The following GRID2 variants were observed in gnomAD, a reference collection of about 807,000 sequenced individuals.
GRID2 encodes glutamate receptor ionotropic, delta-2.
A neutral mutation model predicts 114.8 loss-of-function variants in GRID2; 33 were observed. The ratio of observed to expected loss-of-function variants is 0.29; its 90% CI spans 0.22 to 0.38. The LOEUF is 0.38. Ranked by LOEUF, GRID2 falls within the 10% of genes least tolerant of loss-of-function variation. GRID2 has a pLI of 1.00. For synonymous variants in GRID2, 505 were observed against 449.9 expected, an observed-to-expected ratio of 1.12 and a Z score of -1.55; for missense variants, 1,184 against 1,257.7, an observed-to-expected ratio of 0.94 and a Z score of 0.89.
chr4:93,594,428 C>T (rs13119637), intron 13 of GRID2, among the ~76,000 whole-genome samples: 28,892 of 151,610 alleles, frequency 0.19, 3,201 homozygotes, highest in Middle Eastern at 0.32. Flanking sequence ...TCTCCAGCTG[C>T]GTACTGGGAG....
intron 2 of GRID2, among the ~76,000 whole-genome samples, chr4:92,795,231 T>G (rs1739805822): frequency 6.6e-6 from 1 of 151,850 alleles, no homozygotes; most frequent in African/African-American, 2.4e-5. Context: ...AATTCCCATG[T>G]GCTGTAGGAG....
At chr4:93,120,847 G>A (rs888779942) in intron 4 of GRID2, among the ~76,000 whole-genome samples, 1 of 152,116 alleles carries the variant, frequency 6.6e-6, no homozygotes, top group Non-Finnish European at 1.5e-5. Flanking sequence ...CAGCTACTCA[G>A]GAGGCTGAGG....
intron 1 of GRID2, among the ~76,000 whole-genome samples, chr4:92,461,092 A>C (rs1721471611): frequency 6.6e-6 from 1 of 151,588 alleles, no homozygotes; most frequent in African/African-American, 2.4e-5. Context: ...TCATATATTT[A>C]TATAACTTTC....
rs1184003180 is a variant in GRID2, at chr4:93,638,301, C to CTTTTTTTTTTTTTTTTTTT, written c.2360+11884_2360+11885insTTTTTTTTTTTTTTTTTTT. 4.6e-3 allele frequency among the ~76,000 whole-genome samples: 355 copies of CTTTTTTTTTTTTTTTTTTT among 76,662 alleles called. 7 individuals carry two copies. Among genetic ancestry groups the CTTTTTTTTTTTTTTTTTTT allele is most frequent in the Non-Finnish European group, 7.3e-3 (268 of 36,474 alleles). 50.3% of individuals were successfully genotyped at this position (76,662 alleles called of 152,430 possible). On this transcript the variant is annotated intron_variant, in intron 14 of 15. Transcript: ENST00000282020. ...AAGAAAACATATTTAAAACTTGCATCTTTTTTTTTTTTTTTTTTAATTATA... is the reference window on the plus strand; with the variant it reads ...AAGAAAACATATTTAAAACTTGCATCTTTTTTTTTTTTTTTTTTTTTTTTTTTTTTTTTTTTTAATTATA...
intron 1 of GRID2, among the ~76,000 whole-genome samples, chr4:92,323,772 C>A (rs1050783138): frequency 1.3e-5 from 2 of 151,992 alleles, no homozygotes; most frequent in African/African-American, 4.8e-5. Flanking sequence ...ATTACATGAT[C>A]ATAGGCTCAT....
chr4:93,506,401 G>T (rs996534011), intron 12 of GRID2, among the ~76,000 whole-genome samples: 1 of 152,112 alleles, frequency 6.6e-6, no homozygotes, highest in Non-Finnish European at 1.5e-5. Context: ...ATCTTGCTGC[G>T]CACTTTTTCT....
intron 2 of GRID2, among the ~76,000 whole-genome samples, chr4:92,757,162 G>A (rs1483977013): frequency 1.3e-5 from 2 of 152,016 alleles, no homozygotes; most frequent in African/African-American, 4.8e-5. Context: ...TTATTCTTCT[G>A]TATATGGACA....
intron 1 of GRID2, among the ~76,000 whole-genome samples, chr4:92,553,392 T>C (rs551993477): frequency 1.2e-4 from 18 of 152,314 alleles, no homozygotes; most frequent in African/African-American, 4.1e-4. Flanking sequence ...GAATATACCA[T>C]GAGCAAAAGC....
intron 2 of GRID2, among the ~76,000 whole-genome samples, chr4:92,688,991 CAAG>C (rs1442732511): frequency 6.6e-6 from 1 of 152,108 alleles, no homozygotes; most frequent in African/African-American, 2.4e-5. Flanking sequence ...AGTACACAAA[CAAG>C]GAGATTTACA....
chr4:92,397,342 ATGTGTGTGTGTGTGTGTGTG>A (rs58085283), intron 1 of GRID2, among the ~76,000 whole-genome samples: 2 of 142,692 alleles, frequency 1.4e-5, no homozygotes, highest in Non-Finnish European at 3.1e-5. Context: ...GTGTGTTTGT[ATGTGTGTGTGTGTGTGTGTG>A]TGTGTGTGTG....
At chr4:92,700,266 C>T (rs1231472161) in intron 2 of GRID2, among the ~76,000 whole-genome samples, 1 of 152,142 alleles carries the variant, frequency 6.6e-6, no homozygotes, top group Admixed American at 6.5e-5. Context: ...ATTGAAGCAA[C>T]CCAATGTATG....
chr4:92,845,840 A>T (rs999137038), intron 2 of GRID2, among the ~76,000 whole-genome samples: 2 of 152,128 alleles, frequency 1.3e-5, no homozygotes, highest in African/African-American at 4.8e-5. Flanking sequence ...GTAGTAATTT[A>T]AGGAATGCAT....
intron 13 of GRID2, among the ~76,000 whole-genome samples, chr4:93,558,906 C>T (rs531805662): frequency 6.6e-6 from 1 of 152,150 alleles, no homozygotes; most frequent in African/African-American, 2.4e-5. Flanking sequence ...TCAGCTTCAT[C>T]CCTGGATTGC....
chr4:93,713,054 A>G (rs1216565058), intron 14 of GRID2, among the ~76,000 whole-genome samples: 3 of 152,052 alleles, frequency 2.0e-5, no homozygotes, highest in African/African-American at 4.8e-5. Context: ...GTTTTTTGTT[A>G]TGTTTTGTTT....
intron 2 of GRID2, among the ~76,000 whole-genome samples, chr4:92,604,735 G>A (rs1454308291): frequency 2.6e-5 from 4 of 151,944 alleles, no homozygotes; most frequent in Non-Finnish European, 5.9e-5. Context: ...AATGGAAACA[G>A]GCAGGCTTTA....
chr4:93,453,474 T>G (rs1200176645), intron 10 of GRID2, among the ~76,000 whole-genome samples: 2 of 151,916 alleles, frequency 1.3e-5, no homozygotes, highest in Non-Finnish European at 2.9e-5. Flanking sequence ...AGACCAGAAT[T>G]TAGGAATTTG....
At chr4:92,592,227 G>T (rs1298751240) in intron 2 of GRID2, among the ~76,000 whole-genome samples, 1 of 151,958 alleles carries the variant, frequency 6.6e-6, no homozygotes, top group Non-Finnish European at 1.5e-5. Flanking sequence ...AAAACGTGAG[G>T]ACTGATTTCT....
chr4:93,294,297 CA>C (rs1754058999), intron 8 of GRID2, among the ~76,000 whole-genome samples: 2 of 150,588 alleles, frequency 1.3e-5, no homozygotes, highest in South Asian at 4.1e-4. Context: ...TGATCCATAT[CA>C]GGCTAGTCAT....
intron 8 of GRID2, among the ~76,000 whole-genome samples, chr4:93,368,992 A>T (rs1286825706): frequency 1.3e-5 from 2 of 152,236 alleles, no homozygotes; most frequent in Non-Finnish European, 2.9e-5. Context: ...TTTTGTGAGC[A>T]GTCCCAAACG....
Sources: allele counts gnomAD v4.1 joint callset (sites outside exome capture counted in the v4.1 genomes callset), GRCh38; gene constraint gnomAD v4.1.1; transcripts MANE v1.5; gene names NCBI Gene and HGNC (gene_info 2026-07-23, HGNC 2026-07-21).